The following PCDHGA12 variants were observed in gnomAD, a reference collection of about 807,000 sequenced individuals.
The protein encoded by PCDHGA12 is protocadherin gamma-A12.
In PCDHGA12, 43 loss-of-function variants were observed where a neutral mutation model predicts 61.1. The observed-to-expected ratio is 0.70, with a 90% CI of 0.55 to 0.91. The LOEUF is 0.91. PCDHGA12 is among the 40% of genes least tolerant of loss of function. PCDHGA12 has a pLI of 0.00. For missense variants in PCDHGA12, 1,236 were observed against 1,227.7 expected (o/e 1.01, Z -0.10); for synonymous variants, 520 against 542.9 (o/e 0.96, Z 0.59).
chr5:141,482,135 G>T (rs987110875), intron 1 of PCDHGA12, among the ~76,000 whole-genome samples: 1 of 151,836 alleles, frequency 6.6e-6, no homozygotes, highest in African/African-American at 2.4e-5. Context: ...CATATGGCTG[G>T]CATAAAAAGG....
At position 141,477,379 on chromosome 5, in the gene PCDHGA12, A is replaced by T; in HGVS notation, c.2425-17428A>T. Reference sequence around the variant, plus strand: ...CAGACCTGGATCGGGAGACTGTGCCAGAATACAACCTCAGCATCACCGCCC... The same window carrying T: ...CAGACCTGGATCGGGAGACTGTGCCTGAATACAACCTCAGCATCACCGCCC... On this transcript the variant is annotated intron_variant, in intron 1 of 3. Transcript: ENST00000252085. The surrounding 1 kb of genome is among the most constrained non-coding windows in gnomAD (Gnocchi z 4.9). 1.2e-6 allele frequency: 2 copies of T among 1,614,184 alleles called. No individual in the cohort carries two copies. The highest frequency in any genetic ancestry group is 1.7e-6 in the Non-Finnish European group (2 of 1,180,034).
At chr5:141,501,402 G>A (rs527659990) in intron 2 of PCDHGA12, among the ~76,000 whole-genome samples, 5 of 151,740 alleles carry the variant, frequency 3.3e-5, no homozygotes, top group Non-Finnish European at 7.4e-5. Flanking sequence ...ACAGGCCACT[G>A]CTTGGAAAAT....
Position 141,491,665 on chromosome 5 carries a change from C to T in PCDHGA12, c.2425-3142C>T, listed in dbSNP as rs749918160. 6.2e-7 allele frequency: 1 copy of T among 1,613,764 alleles called. No homozygotes were observed. The highest frequency in any genetic ancestry group is 8.5e-7 in the Non-Finnish European group (1 of 1,180,000). On this transcript the variant is annotated intron_variant, in intron 1 of 3. Transcript: ENST00000252085. The surrounding 1 kb of genome is among the most constrained non-coding windows in gnomAD (Gnocchi z 6.9). ...TCTGGCGCTGGAGCCTGACGCCATCCGGTCCCGCTCTAATACGCTGCGGGA... is the reference window on the plus strand; with the variant it reads ...TCTGGCGCTGGAGCCTGACGCCATCTGGTCCCGCTCTAATACGCTGCGGGA...
intron 2 of PCDHGA12, among the ~76,000 whole-genome samples, chr5:141,497,478 C>T (rs974494984): frequency 6.0e-5 from 9 of 150,954 alleles, no homozygotes; most frequent in South Asian, 4.2e-4. Context: ...GGAGAAGGTG[C>T]GGAACCTCTC....
chr5:141,503,221 C>T (rs528636727), intron 2 of PCDHGA12, among the ~76,000 whole-genome samples: 34 of 152,074 alleles, frequency 2.2e-4, no homozygotes, highest in Middle Eastern at 6.8e-3. Flanking sequence ...CCATGAGCAC[C>T]GTAAAGATGG....
rs114669158 is a variant in PCDHGA12 at position 141,511,003 on chromosome 5, G to A, written c.2629G>A (p.Ala877Thr). The change falls in exon 4 of 4, where the codon GCC (alanine) becomes ACC (threonine). Residue 877 changes from alanine to threonine, a missense_variant. Physicochemically the swap from Ala to Thr is moderately conservative, Grantham distance 58 (BLOSUM62 0). Coordinates refer to ENST00000252085, the MANE Select transcript of PCDHGA12 (RefSeq NM_003735.3). Reference protein sequence around the residue: ...GGGAGTMGLSARYGPQFTLQH... With the variant: ...GGGAGTMGLSTRYGPQFTLQH... ...GGGTGCCGGCACCATGGGATTGAGCGCCCGCTACGGACCCCAGTTCACCCT... is the reference window on the plus strand; with the variant it reads ...GGGTGCCGGCACCATGGGATTGAGCACCCGCTACGGACCCCAGTTCACCCT... The A allele has an allele frequency of 1.0e-4, 163 of 1,614,148 alleles. 1 individual carries two copies. The highest frequency in any genetic ancestry group is 9.5e-5 in the Non-Finnish European group (112 of 1,180,012).
intron 1 of PCDHGA12, among the ~76,000 whole-genome samples, chr5:141,454,343 A>G (rs1161350416): frequency 2.6e-5 from 4 of 152,248 alleles, no homozygotes; most frequent in African/African-American, 7.2e-5. Flanking sequence ...AAATGTTGGA[A>G]GTTGATCCAA....
rs1167955962 is a variant in PCDHGA12, at chr5:141,477,078, A to G, written c.2425-17729A>G. ...GAGGACACCAAACTCCATGAGATTT[A>G]CATCCAGGCCAAAGACAAGGGCGCC... On this transcript the variant is annotated intron_variant, in intron 1 of 3. Transcript: ENST00000252085. This position sits in a 1 kb window ranked among gnomAD's most constrained non-coding sequence, Gnocchi z 4.9. The G allele has an allele frequency of 6.8e-6, 11 of 1,614,262 alleles. No individual in the cohort carries two copies. In the South Asian group the frequency reaches 1.2e-4, roughly 18 times the overall value.
At position 141,489,083 on chromosome 5, in the gene PCDHGA12, T is replaced by G; in HGVS notation, c.2425-5724T>G. On this transcript the variant is annotated intron_variant, in intron 1 of 3. Coordinates refer to ENST00000252085, the MANE Select transcript of PCDHGA12 (RefSeq NM_003735.3). This position sits in a 1 kb window ranked among gnomAD's most constrained non-coding sequence, Gnocchi z 4.5. ...CCTCCCCCCTGCCCACCCCCGCCACTCGGTGACTAAGAACTGCTGCAAGCA... is the reference window on the plus strand; with the variant it reads ...CCTCCCCCCTGCCCACCCCCGCCACGCGGTGACTAAGAACTGCTGCAAGCA... The G allele has an allele frequency of 1.2e-5, 2 of 172,008 alleles. No individual in the cohort carries two copies. Among genetic ancestry groups the G allele is most frequent in the Non-Finnish European group, 2.1e-5 (2 of 94,012 alleles). The allele number at this position is 172,008 out of a possible 1,614,324, so 10.7% of individuals were successfully genotyped here. A position where few individuals can be genotyped will look rare whatever the true frequency, so the allele number is the denominator to read the frequency against.
chr5:141,438,613 TATATATATATATATATATATATAC>T (rs1240061633), intron 1 of PCDHGA12, among the ~76,000 whole-genome samples: 627 of 36,484 alleles, frequency 0.017, 21 homozygotes, highest in African/African-American at 0.051. Flanking sequence ...TATATATATA[TATATATATATATATATATATATAC>T]ACACACACAC....
intron 1 of PCDHGA12, among the ~76,000 whole-genome samples, chr5:141,492,559 C>G (rs533830391): frequency 2.0e-5 from 3 of 152,174 alleles, no homozygotes; most frequent in Non-Finnish European, 4.4e-5. Context: ...GCCTGGGGGG[C>G]GGCCTGAGCG....
chr5:141,445,134 A>G lies in PCDHGA12; in HGVS notation c.2424+11951A>G, dbSNP rs900226020. ...TTGTAAATAGTATTTTTAAAATTGT[A>G]TCTTCTAATTGTTCATTTCTAGTTT... On this transcript the variant is annotated intron_variant, in intron 1 of 3. Transcript: ENST00000252085. Among the ~76,000 whole-genome samples, 174 of 152,316 alleles carry G rather than the reference A, an allele frequency of 1.1e-3. 4 individuals carry two copies. The highest frequency in any genetic ancestry group is 5.3e-4 in the Non-Finnish European group (36 of 68,016).
chr5:141,431,498 T>C lies in PCDHGA12; in HGVS notation c.739T>C (p.Tyr247His), dbSNP rs1274311782. The change falls in exon 1 of 4, where the codon TAC becomes CAC. Residue 247 changes from tyrosine to histidine, a missense_variant. Physicochemically the swap from Tyr to His is moderately conservative, Grantham distance 83 (BLOSUM62 2). Coordinates refer to ENST00000252085, the MANE Select transcript of PCDHGA12 (RefSeq NM_003735.3). The surrounding 1 kb of genome is among the most constrained non-coding windows in gnomAD (Gnocchi z 4.8). ...DNAPAFAQPE[Y>H]RASVPENLAL... ...CGCACCAGCGTTTGCTCAGCCCGAG[T>C]ACCGCGCGAGCGTTCCGGAGAATCT... The C allele has an allele frequency of 6.2e-7, 1 of 1,613,992 alleles. No homozygotes were observed. Among genetic ancestry groups the C allele is most frequent in the Non-Finnish European group, 8.5e-7 (1 of 1,180,034 alleles).
At position 141,493,412 on chromosome 5, in the gene PCDHGA12, G is replaced by A. The variant is rs1288041038; in HGVS notation, c.2425-1395G>A. Among the ~76,000 whole-genome samples, 3 of 152,114 alleles carry A rather than the reference G, an allele frequency of 2.0e-5. No individual in the cohort carries two copies. The highest frequency in any genetic ancestry group is 4.4e-5 in the Non-Finnish European group (3 of 68,024). On this transcript the variant is annotated intron_variant, in intron 1 of 3. Coordinates refer to ENST00000252085, the MANE Select transcript of PCDHGA12 (RefSeq NM_003735.3). This position sits in a 1 kb window ranked among gnomAD's most constrained non-coding sequence, Gnocchi z 4.3. ...CAGGAGAGGGGAGTTGCCTCTGCTG[G>A]GATTTTGCTTCTGCTGGGATGGGGC...
At position 141,477,811 on chromosome 5, in the gene PCDHGA12, C is replaced by T. The variant is rs1211574518; in HGVS notation, c.2425-16996C>T. The T allele has an allele frequency of 6.2e-7, 1 of 1,614,164 alleles. No homozygotes were observed. The highest frequency in any genetic ancestry group is 8.5e-7 in the Non-Finnish European group (1 of 1,180,026). ...TCACTGATCGCAATGACAATGCCCC[C>T]CAGGTCCTATATCCTCGGCCAGGTG... is the stretch of plus-strand genomic sequence containing the variant. On this transcript the variant is annotated intron_variant, in intron 1 of 3. Transcript: ENST00000252085. The surrounding 1 kb of genome is among the most constrained non-coding windows in gnomAD (Gnocchi z 4.9).
intron 1 of PCDHGA12, chr5:141,478,531 C>A (rs771145308): frequency 8.1e-6 from 13 of 1,608,072 alleles, no homozygotes; most frequent in Admixed American, 5.1e-5. Context: ...GTGCAGAGAG[C>A]GCCCCTCCCG....
chr5:141,503,222 G>C (rs540244346), intron 2 of PCDHGA12, among the ~76,000 whole-genome samples: 1 of 152,120 alleles, frequency 6.6e-6, no homozygotes, highest in Middle Eastern at 3.4e-3. Context: ...CATGAGCACC[G>C]TAAAGATGGA....
chr5:141,444,013 C>T (rs1226458485), intron 1 of PCDHGA12, among the ~76,000 whole-genome samples: 2 of 152,060 alleles, frequency 1.3e-5, no homozygotes, highest in Admixed American at 6.6e-5. Flanking sequence ...TGGGTATTGG[C>T]TTCTAAAAGG....
chr5:141,510,280 A>G (rs1218058358), intron 3 of PCDHGA12, among the ~76,000 whole-genome samples: 1 of 151,892 alleles, frequency 6.6e-6, no homozygotes, highest in Non-Finnish European at 1.5e-5. Context: ...CTTAAAAAAA[A>G]AAAAAAAAAA....
Sources: gnomAD v4.1 joint callset for allele counts (sites outside exome capture counted in the v4.1 genomes callset) on GRCh38, gnomAD v4.1.1 for gene constraint, Gnocchi (gnomAD v3.1) non-coding constraint, MANE v1.5 for transcripts, NCBI Gene and HGNC (gene_info 2026-07-23, HGNC 2026-07-21) for gene names.